The following MSR1 variants were observed in gnomAD, a reference collection of about 807,000 sequenced individuals.
The protein encoded by MSR1 is macrophage scavenger receptor 1, also known as macrophage scavenger receptor types I and II.
Under a neutral mutation model 47.2 loss-of-function variants are expected in MSR1, and 53 were observed. That is an observed-to-expected ratio of 1.12 (90% CI 0.90 to 1.41). The LOEUF (loss-of-function observed/expected upper bound fraction) is 1.41, where lower values mean the gene tolerates loss of function less well. MSR1 is among the 40% of genes most tolerant of loss of function. The pLI, the probability that MSR1 is intolerant of heterozygous loss-of-function variation, is 0.00. For synonymous variants in MSR1, 239 were observed against 185.6 expected (o/e 1.29, Z -2.34); for missense variants, 786 against 546.9 (o/e 1.44, Z -4.36).
At chr8:16,176,735 G>A (rs1043118183) in intron 2 of MSR1, among the ~76,000 whole-genome samples, 3 of 151,866 alleles carry the variant, frequency 2.0e-5, no homozygotes, top group East Asian at 3.9e-4. Flanking sequence ...CTCTGCTCCC[G>A]ATGTCTCTCT....
chr8:16,179,878 T>G (rs1801774281), intron 1 of MSR1, among the ~76,000 whole-genome samples: 1 of 10,568 alleles, frequency 9.5e-5, no homozygotes, highest in Non-Finnish European at 2.2e-4. Context: ...ACCCTGTGTC[T>G]CAAAAAAAAA....
intron 1 of MSR1, among the ~76,000 whole-genome samples, chr8:16,182,808 T>C (rs745551152): frequency 2.6e-5 from 4 of 152,152 alleles, no homozygotes; most frequent in Non-Finnish European, 5.9e-5. Flanking sequence ...TGGTTGAATC[T>C]TTTTTTATAA....
intron 7 of MSR1, among the ~76,000 whole-genome samples, chr8:16,146,156 G>A (rs1478348405): frequency 3.9e-5 from 6 of 152,038 alleles, no homozygotes; most frequent in East Asian, 1.9e-4. Context: ...GCTGTAGGCC[G>A]CCTTTCCATC....
intron 1 of MSR1, among the ~76,000 whole-genome samples, chr8:16,191,290 A>T (rs74303554): frequency 6.6e-6 from 1 of 152,206 alleles, no homozygotes; most frequent in African/African-American, 2.4e-5. Context: ...AAGAAAGAGC[A>T]TCAACTTTTG....
intron 3 of MSR1, 102 bp downstream of exon 3, chr8:16,175,085 A>G: frequency 3.3e-6 from 3 of 914,360 alleles, no homozygotes; most frequent in Non-Finnish European, 5.4e-6. Flanking sequence ...TATTTTCTTT[A>G]TGAATGTACC....
chr8:16,109,167 ACCCC>A lies in MSR1; in HGVS notation c.*914_*917del, dbSNP rs1184244402. The A allele has an allele frequency of 1.1e-4, 2 of 18,824 alleles. No individual in the cohort carries two copies. Among genetic ancestry groups the A allele is most frequent in the East Asian group, 7.8e-3 (2 of 256 alleles). The allele number at this position is 18,824 out of a possible 1,614,324, so 1.2% of individuals were successfully genotyped here. A position where few individuals can be genotyped will look rare whatever the true frequency, so the allele number is the denominator to read the frequency against. ...ATTGTCCCTTTAGGACTAAAGACGC[ACCCC>A]CCACCCCCCCCCCCGCCCTTTGGTT... On this transcript the variant is annotated 3_prime_UTR_variant, in exon 10 of 10. Transcript: ENST00000262101.
rs1430499411 is a variant in MSR1, at chr8:16,110,168, A to G, written c.1273T>C (p.Ser425Pro). 8 of 1,613,554 alleles carry G rather than the reference A, an allele frequency of 5.0e-6. No homozygotes were observed. The highest frequency in any genetic ancestry group is 2.2e-5 in the East Asian group (1 of 44,864). The change falls in exon 10 of 10, where the codon TCT becomes CCT. Residue 425 changes from serine (S) to proline (P), a missense_variant. Transcript: ENST00000262101. ...TGCCGAATTTTACATTCTTCAATAGATGATTCTCTCCCAAAACAAAACACT... is the reference window on the plus strand; with the variant it reads ...TGCCGAATTTTACATTCTTCAATAGGTGATTCTCTCCCAAAACAAAACACT... ...NEVFCFGRES[S>P]IEECKIRQWG...
chr8:16,119,281 G>GTCCA (rs1799943824), intron 9 of MSR1, among the ~76,000 whole-genome samples: 1 of 151,800 alleles, frequency 6.6e-6, no homozygotes, highest in African/African-American at 2.4e-5. Flanking sequence ...GTCACCCAGG[G>GTCCA]TGGAGTGCAG....
chr8:16,146,619 G>C (rs116942127), intron 7 of MSR1, among the ~76,000 whole-genome samples: 47 of 152,142 alleles, frequency 3.1e-4, no homozygotes, highest in Non-Finnish European at 5.7e-4. Context: ...GACCACCTTT[G>C]AAACTCTGTG....
At chr8:16,192,104 C>T (rs577377086) in intron 1 of MSR1, among the ~76,000 whole-genome samples, 2 of 152,138 alleles carry the variant, frequency 1.3e-5, no homozygotes, top group South Asian at 2.1e-4. Context: ...TGTATCCTTT[C>T]CCCACATCTA....
intron 3 of MSR1, among the ~76,000 whole-genome samples, chr8:16,171,533 T>C (rs746790089): frequency 1.4e-4 from 22 of 152,154 alleles, no homozygotes; most frequent in Non-Finnish European, 2.6e-4. Flanking sequence ...ATTAAATTCA[T>C]TGTGGGGACC....
Position 16,109,063 on chromosome 8 carries a change from C to G in MSR1, c.*1022G>C, listed in dbSNP as rs909906479. ...CTGGGTTTCAGGGTAGCTTTTCACA[C>G]TCTACACTATGGCCCTGGGGATGGG... On this transcript the variant is annotated 3_prime_UTR_variant, in exon 10 of 10. Transcript: ENST00000262101. 2 of 151,992 alleles carry G rather than the reference C, an allele frequency of 1.3e-5. No individual in the cohort carries two copies. The highest frequency in any genetic ancestry group is 4.8e-5 in the African/African-American group (2 of 41,368). 9.4% of individuals were successfully genotyped at this position (151,992 alleles called of 1,614,324 possible).
chr8:16,110,359 A>T (rs1353992415), intron 9 of MSR1, 141 bp from the exon 10 acceptor site: 3 of 912,610 alleles, frequency 3.3e-6, no homozygotes, highest in Non-Finnish European at 5.2e-6. Context: ...GCTCTCTAGT[A>T]GGAATCAAAA....
intron 5 of MSR1, among the ~76,000 whole-genome samples, chr8:16,159,239 T>C (rs904859840): frequency 4.6e-5 from 7 of 151,676 alleles, no homozygotes; most frequent in African/African-American, 1.7e-4. Context: ...GAAGCCAATA[T>C]ATCTAAAATG....
At chr8:16,119,041 C>A (rs77411507) in intron 9 of MSR1, among the ~76,000 whole-genome samples, 2,701 of 152,112 alleles carry the variant, frequency 0.018, 92 homozygotes, top group African/African-American at 0.061. Context: ...TCCTTTGTTT[C>A]TTCTATGTAA....
rs183123907 is a variant in MSR1 at position 16,110,148 on chromosome 8, A to G, written c.1293T>C (p.Ile431=). The part of the protein sequence containing the change: ...GRESSIEECK[I]RQWGTRACSH... ...AACAGGCTCTTGTCCCCCATTGCCGAATTTTACATTCTTCAATAGATGATT... is the reference window on the plus strand; with the variant it reads ...AACAGGCTCTTGTCCCCCATTGCCGGATTTTACATTCTTCAATAGATGATT... Residue 431 remains isoleucine (I), a synonymous_variant, in exon 10 of 10, where the codon ATT becomes ATC. Transcript: ENST00000262101. The G allele has an allele frequency of 9.9e-5, 159 of 1,613,740 alleles. No homozygotes were observed. The highest frequency in any genetic ancestry group is 3.0e-4 in the South Asian group (27 of 91,078).
intron 1 of MSR1, among the ~76,000 whole-genome samples, chr8:16,180,622 A>G (rs1216785734): frequency 3.3e-5 from 5 of 152,198 alleles, no homozygotes; most frequent in Admixed American, 1.3e-4. Flanking sequence ...GTTCTAACTG[A>G]GTGCACTGGC....
At chr8:16,125,859 T>G (rs773105358) in intron 8 of MSR1, among the ~76,000 whole-genome samples, 2 of 152,070 alleles carry the variant, frequency 1.3e-5, no homozygotes, top group African/African-American at 2.4e-5. Context: ...CTCAAACTCC[T>G]GGGCTCAAGT....
chr8:16,122,400 CAA>C (rs1800025488), intron 8 of MSR1, among the ~76,000 whole-genome samples: 1 of 151,982 alleles, frequency 6.6e-6, no homozygotes, highest in African/African-American at 2.4e-5. Context: ...CAAATATATC[CAA>C]ACATAATATA....
Sources: allele counts gnomAD v4.1 joint callset (sites outside exome capture counted in the v4.1 genomes callset), GRCh38; gene constraint gnomAD v4.1.1; transcripts MANE v1.5; gene names NCBI Gene and HGNC (gene_info 2026-07-23, HGNC 2026-07-21).